Variants in CYP4V2 observed in about 807,000 individuals in gnomAD.
CYP4V2 encodes cytochrome P450 4V2.
In CYP4V2, 55 loss-of-function variants were observed where a neutral mutation model predicts 60.8. That is an observed-to-expected ratio of 0.90 (90% CI 0.73 to 1.13). The LOEUF is 1.13. CYP4V2 is among the 50% of genes most tolerant of loss of function. CYP4V2 has a pLI of 0.00. For synonymous variants in CYP4V2, 239 were observed against 236.8 expected (o/e 1.01, Z -0.08); for missense variants, 675 against 662.9 (o/e 1.02, Z -0.20).
Position 186,197,165 on chromosome 4 carries a change from A to G in CYP4V2, c.604+35A>G, listed in dbSNP as rs72646259. On this transcript the variant is annotated intron_variant, in intron 4 of 10. Coordinates refer to ENST00000378802, the MANE Select transcript of CYP4V2 (RefSeq NM_207352.4). ...ATCGATCTGTTTCTAAATTTATGGC[A>G]TAAAGAGAAAATGGCCCAAACAGGA... is the stretch of plus-strand genomic sequence containing the variant. 1,257 of 1,610,284 alleles carry G rather than the reference A, an allele frequency of 7.8e-4. 9 individuals carry two copies. The African/African-American group carries it at 0.014, about 18-fold the overall frequency.
chr4:186,201,097 G>T (rs1579967506), intron 6 of CYP4V2, 60 bp from the exon 7 acceptor site: 1 of 1,520,558 alleles, frequency 6.6e-7, no homozygotes, highest in East Asian at 2.3e-5. Flanking sequence ...AAGAAAATGT[G>T]TTAACTAGGG....
At position 186,195,932 on chromosome 4, in the gene CYP4V2, A is replaced by T; in HGVS notation, c.328-71A>T. 9.2e-7 allele frequency: 1 copy of T among 1,089,834 alleles called. No individual in the cohort carries two copies. The highest frequency in any genetic ancestry group is 1.5e-5 in the African/African-American group (1 of 65,236). The allele number at this position is 1,089,834 out of a possible 1,614,324, so 67.5% of individuals were successfully genotyped here. On this transcript the variant is annotated intron_variant, in intron 2 of 10. Coordinates refer to ENST00000378802, the MANE Select transcript of CYP4V2 (RefSeq NM_207352.4). The surrounding 1 kb of genome is among the most constrained non-coding windows in gnomAD (Gnocchi z 4.1). The stretch of plus-strand genomic sequence containing the variant: ...CCTAAAAACTAGCTGTATTCTAGCC[A>T]GTATTCCTATAATTACAGGAAGGTT...
Position 186,195,127 on chromosome 4 carries a change from G to A in CYP4V2, c.327+515G>A, listed in dbSNP as rs915474486. On this transcript the variant is annotated intron_variant, in intron 2 of 10. Transcript: ENST00000378802. This position sits in a 1 kb window ranked among gnomAD's most constrained non-coding sequence, Gnocchi z 4.1. ...TCTTTTTACTTGTTGAAAGGTCTGG[G>A]GAAATCATCTTGTAGTATGGTGAGA... 1.3e-5 allele frequency among the ~76,000 whole-genome samples: 2 copies of A among 152,160 alleles called. No homozygotes were observed. The highest frequency in any genetic ancestry group is 2.9e-5 in the Non-Finnish European group (2 of 68,034).
rs762316724 is a variant in CYP4V2, at chr4:186,194,480, A to G, written c.215-20A>G. The G allele has an allele frequency of 5.0e-6, 8 of 1,602,592 alleles. No individual in the cohort carries two copies. The highest frequency in any genetic ancestry group is 6.8e-6 in the Non-Finnish European group (8 of 1,169,526). ...ACTTTCTCATCTTGATTGAATTTCA[A>G]ATTTGATGTTTTTCCCCAGAATTTT... On this transcript the variant is annotated intron_variant, in intron 1 of 10. Transcript: ENST00000378802.
At position 186,212,119 on chromosome 4, in the gene CYP4V2, C is replaced by T. The variant is rs1736742870; in HGVS notation, c.*1478C>T. ...CCAAAGTCATGTTACCAGTTGGTGA[C>T]AGAGCTGGAAATACGTAGAGATCTA... On this transcript the variant is annotated 3_prime_UTR_variant, in exon 11 of 11. Coordinates refer to ENST00000378802, the MANE Select transcript of CYP4V2 (RefSeq NM_207352.4). 6.6e-6 allele frequency: 1 copy of T among 152,084 alleles called. No individual in the cohort carries two copies. Among genetic ancestry groups the T allele is most frequent in the Admixed American group, 6.6e-5 (1 of 15,262 alleles). The allele number at this position is 152,084 out of a possible 1,614,324, so 9.4% of individuals were successfully genotyped here.
At chr4:186,207,002 C>T (rs1035408799) in intron 8 of CYP4V2, among the ~76,000 whole-genome samples, 3 of 152,146 alleles carry the variant, frequency 2.0e-5, no homozygotes, top group African/African-American at 7.2e-5. Context: ...CTTTGTGGTC[C>T]TGCAGAATGA....
At chr4:186,197,183 A>T in intron 4 of CYP4V2, 53 bp downstream of exon 4, 1 of 1,598,864 alleles carries the variant, frequency 6.3e-7, no homozygotes, top group East Asian at 2.2e-5. Flanking sequence ...AAAATGGCCC[A>T]AACAGGAAAT....
intron 1 of CYP4V2, among the ~76,000 whole-genome samples, chr4:186,194,276 G>A (rs559511251): frequency 6.6e-6 from 1 of 152,262 alleles, no homozygotes; most frequent in South Asian, 2.1e-4. Flanking sequence ...CATGCATTAT[G>A]TGTGTTTATT....
chr4:186,199,322 C>T (rs1181466983), intron 6 of CYP4V2, among the ~76,000 whole-genome samples: 1 of 152,062 alleles, frequency 6.6e-6, no homozygotes, highest in Non-Finnish European at 1.5e-5. Flanking sequence ...TAATAGAAAA[C>T]AATTTTTCAT....
Position 186,195,459 on chromosome 4 carries a change from C to T in CYP4V2, c.328-544C>T, listed in dbSNP as rs987797721. On this transcript the variant is annotated intron_variant, in intron 2 of 10. Coordinates refer to ENST00000378802, the MANE Select transcript of CYP4V2 (RefSeq NM_207352.4). This position sits in a 1 kb window ranked among gnomAD's most constrained non-coding sequence, Gnocchi z 4.1. ...GGGCACCCTGTGCTCAGCCCTAGACCCCATCCCTCCTCCCACTTCACGTGG... is the reference window on the plus strand; with the variant it reads ...GGGCACCCTGTGCTCAGCCCTAGACTCCATCCCTCCTCCCACTTCACGTGG... Among the ~76,000 whole-genome samples, 3 of 152,142 alleles carry T rather than the reference C, an allele frequency of 2.0e-5. No individual in the cohort carries two copies. Among genetic ancestry groups the T allele is most frequent in the Non-Finnish European group, 4.4e-5 (3 of 68,020 alleles).
At chr4:186,197,209 A>G in intron 4 of CYP4V2, 79 bp downstream of exon 4, 2 of 1,529,682 alleles carry the variant, frequency 1.3e-6, no homozygotes, top group Non-Finnish European at 1.8e-6. Flanking sequence ...TCCACCGGGA[A>G]GGCAAATGGG....
chr4:186,191,857 A>G lies in CYP4V2; in HGVS notation c.34A>G (p.Lys12Glu), dbSNP rs761973351. ...AGLWLGLVWQ[K>E]LLLWGAASAL... ...GCTCTGGCTGGGGCTCGTGTGGCAG[A>G]AGCTGCTGCTGTGGGGCGCGGCGAG... is the stretch of plus-strand genomic sequence containing the variant. The change falls in exon 1 of 11, where the codon AAG becomes GAG. Residue 12 changes from lysine (K) to glutamate (E), a missense_variant. Transcript: ENST00000378802. The G allele has an allele frequency of 8.9e-6, 14 of 1,581,506 alleles. 1 individual carries two copies. In the South Asian group the frequency reaches 1.5e-4, roughly 17 times the overall value.
intron 1 of CYP4V2, among the ~76,000 whole-genome samples, chr4:186,192,898 G>A (rs941582217): frequency 7.2e-6 from 1 of 139,020 alleles, no homozygotes; most frequent in Admixed American, 7.1e-5. Context: ...GTTAGTAATC[G>A]TTTTACAGGC....
chr4:186,197,318 A>G (rs1301166082), intron 4 of CYP4V2, 188 bp downstream of exon 4: 4 of 862,456 alleles, frequency 4.6e-6, no homozygotes, highest in Non-Finnish European at 7.4e-6. Context: ...TGGGGCAGGC[A>G]TGGAGCAACT....
chr4:186,209,183 T>A lies in CYP4V2; in HGVS notation c.1316T>A (p.Phe439Tyr), dbSNP rs748333822. 5 of 1,614,140 alleles carry A rather than the reference T, an allele frequency of 3.1e-6. No homozygotes were observed. Among genetic ancestry groups the A allele is most frequent in the Non-Finnish European group, 4.2e-6 (5 of 1,180,018 alleles). ...AGATACTTCCCCAACCCCGAGGAGTTCCAGCCTGAGCGGTTCTTCCCCGAG... is the reference window on the plus strand; with the variant it reads ...AGATACTTCCCCAACCCCGAGGAGTACCAGCCTGAGCGGTTCTTCCCCGAG... ...DPRYFPNPEEFQPERFFPENA... is the reference protein window; with the variant it reads ...DPRYFPNPEEYQPERFFPENA... Residue 439 changes from phenylalanine (F) to tyrosine (Y), a missense_variant, in exon 10 of 11, where the codon TTC (phenylalanine) becomes TAC (tyrosine). Phe to Tyr is a conservative substitution (Grantham distance 22). Coordinates refer to ENST00000378802, the MANE Select transcript of CYP4V2 (RefSeq NM_207352.4).
At chr4:186,201,064 T>C (rs1736290801) in intron 6 of CYP4V2, 93 bp from the exon 7 acceptor site, 3 of 1,271,478 alleles carry the variant, frequency 2.4e-6, no homozygotes, top group Non-Finnish European at 3.3e-6. Flanking sequence ...GAAAAATAAA[T>C]GAAAGAAACT....
chr4:186,204,938 C>T (rs1736451905), intron 7 of CYP4V2: 1 of 513,786 alleles, frequency 1.9e-6, no homozygotes, highest in South Asian at 2.0e-5. Context: ...GGAACGCCGC[C>T]TTTATTAACA....
intron 6 of CYP4V2, 95 bp downstream of exon 6, chr4:186,199,178 GCATT>G: frequency 7.7e-7 from 1 of 1,306,278 alleles, no homozygotes; most frequent in Non-Finnish European, 1.1e-6. Flanking sequence ...GGTATTAAGT[GCATT>G]CACGATGTTG....
At position 186,191,874 on chromosome 4, in the gene CYP4V2, C is replaced by T; in HGVS notation, c.51C>T (p.Gly17=). The T allele has an allele frequency of 6.3e-7, 1 of 1,587,456 alleles. No homozygotes were observed. Among genetic ancestry groups the T allele is most frequent in the Non-Finnish European group, 8.5e-7 (1 of 1,171,842 alleles). The change falls in exon 1 of 11, where the codon GGC becomes GGT. Residue 17 remains glycine (G), a synonymous_variant. Coordinates refer to ENST00000378802, the MANE Select transcript of CYP4V2 (RefSeq NM_207352.4). ...GLVWQKLLLW[G]AASALSLAGA... ...TGTGGCAGAAGCTGCTGCTGTGGGG[C>T]GCGGCGAGTGCCCTTTCCCTGGCCG...
Sources: gnomAD v4.1 joint callset for allele counts (sites outside exome capture counted in the v4.1 genomes callset) on GRCh38, gnomAD v4.1.1 for gene constraint, Gnocchi (gnomAD v3.1) non-coding constraint, MANE v1.5 for transcripts, NCBI Gene and HGNC (gene_info 2026-07-23, HGNC 2026-07-21) for gene names.